Variants in NAALADL2 observed in about 807,000 individuals in gnomAD.
NAALADL2 encodes the protein inactive N-acetylated-alpha-linked acidic dipeptidase-like protein 2.
A neutral mutation model predicts 87.2 loss-of-function variants in NAALADL2; 76 were observed. That is an observed-to-expected ratio of 0.87 (90% CI 0.72 to 1.05). The LOEUF is 1.05. NAALADL2 is among the 50% of genes least tolerant of loss of function. The pLI is 0.00. For synonymous variants in NAALADL2, 354 were observed against 331.0 expected, an observed-to-expected ratio of 1.07 and a Z score of -0.75; for missense variants, 1,089 against 945.8, an observed-to-expected ratio of 1.15 and a Z score of -1.99.
intron 4 of NAALADL2, among the ~76,000 whole-genome samples, chr3:175,286,550 C>T (rs1018736707): frequency 6.6e-6 from 1 of 152,120 alleles, no homozygotes; most frequent in Non-Finnish European, 1.5e-5. Context: ...TTACTAGATT[C>T]GTTATTTCCA....
chr3:175,083,918 G>T (rs1263763726), intron 1 of NAALADL2, among the ~76,000 whole-genome samples: 2 of 152,140 alleles, frequency 1.3e-5, no homozygotes, highest in East Asian at 1.9e-4. Context: ...AAAGATAAAA[G>T]ATAACTCAAC....
chr3:175,323,126 G>A (rs1760145802), intron 4 of NAALADL2, among the ~76,000 whole-genome samples: 1 of 146,778 alleles, frequency 6.8e-6, no homozygotes, highest in Admixed American at 6.8e-5. Flanking sequence ...AAGAAAATGT[G>A]GCACATATAC....
chr3:174,562,975 A>G (rs558628812), intron 2 of NAALADL2, among the ~76,000 whole-genome samples: 1 of 152,242 alleles, frequency 6.6e-6, no homozygotes, highest in East Asian at 1.9e-4. Context: ...ATATTTCTGG[A>G]TGACTCAGTA....
intron 5 of NAALADL2, among the ~76,000 whole-genome samples, chr3:175,348,841 C>A (rs939648843): frequency 1.3e-5 from 2 of 152,114 alleles, no homozygotes; most frequent in Non-Finnish European, 2.9e-5. Flanking sequence ...TTGGGGAACA[C>A]AATTCAATCC....
intron 9 of NAALADL2, among the ~76,000 whole-genome samples, chr3:175,499,857 A>G (rs1013438235): frequency 2.0e-5 from 3 of 152,008 alleles, no homozygotes; most frequent in African/African-American, 7.2e-5. Context: ...CTTTATTATA[A>G]ATAGATAAAA....
intron 3 of NAALADL2, among the ~76,000 whole-genome samples, chr3:174,824,126 G>C (rs1448589194): frequency 6.6e-6 from 1 of 151,954 alleles, no homozygotes; most frequent in Admixed American, 6.6e-5. Context: ...CTAATTTATT[G>C]CTTACACTTT....
chr3:175,090,531 A>G lies in NAALADL2; in HGVS notation c.44-6259A>G, dbSNP rs542257056. ...CTCATGCATATGCAAGTGATCTAAA[A>G]CAAATTTACACGAACTGACTGGATT... On this transcript the variant is annotated intron_variant, in intron 1 of 13. Transcript: ENST00000454872. 5.6e-4 allele frequency among the ~76,000 whole-genome samples: 85 copies of G among 151,540 alleles called. 1 individual carries two copies. Among genetic ancestry groups the G allele is most frequent in the Non-Finnish European group, 2.6e-4 (18 of 67,928 alleles).
At chr3:175,481,335 C>CTGTGTGTGTG (rs3040504) in intron 9 of NAALADL2, among the ~76,000 whole-genome samples, 4,679 of 143,908 alleles carry the variant, frequency 0.033, 235 homozygotes, top group African/African-American at 0.11. Context: ...AACAATGCCA[C>CTGTGTGTGTG]TGTGTGTGTG....
In NAALADL2 at chr3:175,324,431, G is replaced by A. The variant is rs189407843; in HGVS notation, c.1090+106G>A. Reference sequence around the variant, plus strand: ...GAATAGTGATGTCAAATAATTCTTAGCATCCCATCTTATTATTTTAAAAAG... The same window carrying A: ...GAATAGTGATGTCAAATAATTCTTAACATCCCATCTTATTATTTTAAAAAG... On this transcript the variant is annotated intron_variant, in intron 5 of 13. Transcript: ENST00000454872. 3.2e-4 allele frequency: 266 copies of A among 828,072 alleles called. 2 individuals are homozygous for A. The East Asian group carries it at 7.4e-3, about 23-fold the overall frequency. The allele number at this position is 828,072 out of a possible 1,614,324, so 51.3% of individuals were successfully genotyped here.
chr3:175,130,642 A>G (rs1580606962), intron 2 of NAALADL2, among the ~76,000 whole-genome samples: 1 of 152,340 alleles, frequency 6.6e-6, no homozygotes, highest in Non-Finnish European at 1.5e-5. Context: ...TTATCAAATT[A>G]GTTGAACACC....
intron 2 of NAALADL2, among the ~76,000 whole-genome samples, chr3:174,586,087 A>G (rs1457117991): frequency 6.6e-6 from 1 of 152,228 alleles, no homozygotes; most frequent in Non-Finnish European, 1.5e-5. Flanking sequence ...GTAAACAAAT[A>G]TACGGTTAAC....
chr3:174,635,650 G>A (rs759358726), intron 2 of NAALADL2, among the ~76,000 whole-genome samples: 22 of 151,820 alleles, frequency 1.4e-4, no homozygotes, highest in Non-Finnish European at 2.6e-4. Flanking sequence ...TTACAGGCAT[G>A]TGCCACCATG....
intron 2 of NAALADL2, among the ~76,000 whole-genome samples, chr3:174,692,356 G>A (rs557047876): frequency 6.6e-6 from 1 of 152,298 alleles, no homozygotes; most frequent in African/African-American, 2.4e-5. Flanking sequence ...ATGAGCTCAG[G>A]AGGGAAGAGA....
At chr3:175,379,346 A>G (rs1406484444) in intron 5 of NAALADL2, among the ~76,000 whole-genome samples, 1 of 152,076 alleles carries the variant, frequency 6.6e-6, no homozygotes, top group Non-Finnish European at 1.5e-5. Context: ...ATTCTGACCC[A>G]AACTACAAAC....
intron 5 of NAALADL2, among the ~76,000 whole-genome samples, chr3:175,389,231 T>C (rs1214039885): frequency 6.6e-6 from 1 of 152,180 alleles, no homozygotes; most frequent in African/African-American, 2.4e-5. Flanking sequence ...CATTTTTACA[T>C]TGAAGTAAAA....
intron 13 of NAALADL2, among the ~76,000 whole-genome samples, chr3:175,785,225 T>G (rs1276597199): frequency 2.7e-5 from 4 of 149,146 alleles, no homozygotes; most frequent in African/African-American, 1.0e-4. Context: ...TAGGTCTGCT[T>G]GGTGCAGAGC....
chr3:175,334,923 C>T (rs780726263), intron 5 of NAALADL2, among the ~76,000 whole-genome samples: 6 of 152,154 alleles, frequency 3.9e-5, no homozygotes, highest in Non-Finnish European at 8.8e-5. Flanking sequence ...GTCTGTATGC[C>T]GTTTCTGCAA....
chr3:175,032,238 A>T (rs1009483097), intron 1 of NAALADL2, among the ~76,000 whole-genome samples: 6 of 151,828 alleles, frequency 4.0e-5, no homozygotes, highest in African/African-American at 1.5e-4. Context: ...GATTTTTATA[A>T]TTTTTCTACT....
rs182059407 is a variant in NAALADL2, at chr3:175,692,681, C to T, written c.1897-44625C>T. ...GAAGTTTTCATCCACTTCATGGCCA[C>T]AAAGAGAAGTCAAGCTTAGGGTGCA... On this transcript the variant is annotated intron_variant, in intron 11 of 13. Transcript: ENST00000454872. 2.9e-3 allele frequency among the ~76,000 whole-genome samples: 443 copies of T among 152,232 alleles called. 2 individuals carry two copies. The highest frequency in any genetic ancestry group is 5.4e-3 in the Admixed American group (82 of 15,276).
Sources: gnomAD v4.1 joint callset for allele counts (sites outside exome capture counted in the v4.1 genomes callset) on GRCh38, gnomAD v4.1.1 for gene constraint, MANE v1.5 for transcripts, NCBI Gene and HGNC (gene_info 2026-07-23, HGNC 2026-07-21) for gene names.